Variants in IMPG1 observed in about 807,000 individuals in gnomAD.
IMPG1 encodes the protein interphotoreceptor matrix proteoglycan of 150 kDa.
A neutral mutation model predicts 92.0 loss-of-function variants in IMPG1; 85 were observed. That is an observed-to-expected ratio of 0.92 (90% CI 0.78 to 1.11). The LOEUF (loss-of-function observed/expected upper bound fraction) is 1.11. Ranked by LOEUF, IMPG1 falls within the 50% of genes least tolerant of loss-of-function variation. The pLI, the probability that IMPG1 is intolerant of heterozygous loss-of-function variation, is 0.00. For missense variants in IMPG1, 1,022 were observed against 956.0 expected (o/e 1.07, Z -0.91); for synonymous variants, 367 against 334.1 (o/e 1.10, Z -1.08).
chr6:76,041,852 G>T, intron 2 of IMPG1, 41 bp downstream of exon 2: 10 of 1,317,396 alleles, frequency 7.6e-6, no homozygotes, highest in South Asian at 1.2e-5. Flanking sequence ...GGGAAGGGAT[G>T]GAAATAACAC....
At chr6:75,976,016 G>C (rs1304265734) in intron 12 of IMPG1, among the ~76,000 whole-genome samples, 2 of 152,068 alleles carry the variant, frequency 1.3e-5, no homozygotes, top group African/African-American at 4.8e-5. Flanking sequence ...ACAAACGGTA[G>C]GTTGGATTTG....
intron 15 of IMPG1, among the ~76,000 whole-genome samples, chr6:75,924,634 AT>A (rs1781503794): frequency 4.1e-5 from 1 of 24,468 alleles, no homozygotes; most frequent in Non-Finnish European, 6.8e-5. Context: ...TAAATTATAT[AT>A]TATATATAAT....
At chr6:76,046,694 T>C (rs1279158449) in intron 1 of IMPG1, among the ~76,000 whole-genome samples, 1 of 152,168 alleles carries the variant, frequency 6.6e-6, no homozygotes, top group Non-Finnish European at 1.5e-5. Flanking sequence ...AAATGGGGAA[T>C]AATAATACCT....
Position 75,931,053 on chromosome 6 carries a change from C to T in IMPG1, c.2143G>A (p.Gly715Arg), listed in dbSNP as rs200730480. The T allele has an allele frequency of 1.2e-6, 2 of 1,614,058 alleles. No homozygotes were observed. The highest frequency in any genetic ancestry group is 1.3e-5 in the African/African-American group (1 of 74,916). The change falls in exon 15 of 17, where the codon GGA becomes AGA. Residue 715 changes from glycine (G) to arginine (R), a missense_variant. By Grantham distance (125) the Gly-to-Arg change is moderately radical. Around this residue, in one of 3 missense-constraint regions of IMPG1, gnomAD observed 332 missense variants for 346.2 expected, o/e 0.96. Coordinates refer to ENST00000369950, the MANE Select transcript of IMPG1 (RefSeq NM_001563.4). ...TCCAGGCTCCCCTGGCTGTCATATC[C>T]TGGTTTGCAGCGACACTCCGCTTCC... ...TEEAECRCKP[G>R]YDSQGSLDGL...
intron 12 of IMPG1, among the ~76,000 whole-genome samples, chr6:75,955,738 G>T (rs1782108884): frequency 6.6e-6 from 1 of 152,122 alleles, no homozygotes; most frequent in Non-Finnish European, 1.5e-5. Context: ...CTGTGGGTTT[G>T]TCATTAATAG....
At chr6:75,987,458 C>G (rs1026960217) in intron 12 of IMPG1, among the ~76,000 whole-genome samples, 1 of 149,220 alleles carries the variant, frequency 6.7e-6, no homozygotes, top group Non-Finnish European at 1.5e-5. Flanking sequence ...TCCCCCTCCC[C>G]CCTGCCCCCA....
In IMPG1 at chr6:75,979,008, G is replaced by A. The variant is rs548094752; in HGVS notation, c.1291+23910C>T. On this transcript the variant is annotated intron_variant, in intron 12 of 16. Transcript: ENST00000369950. ...CTCACTGAAGCCTCCACCTCCTCGG[G>A]CTCAGGTAATTCTCCCACCCCAGCC... 4.1e-3 allele frequency among the ~76,000 whole-genome samples: 627 copies of A among 152,218 alleles called. 2 individuals carry two copies. The highest frequency in any genetic ancestry group is 7.2e-3 in the Non-Finnish European group (491 of 68,002).
intron 15 of IMPG1, among the ~76,000 whole-genome samples, chr6:75,926,160 TC>T (rs1781545698): frequency 6.6e-6 from 1 of 152,128 alleles, no homozygotes. Flanking sequence ...CTAGAAAACT[TC>T]CAGGAGAACT....
At chr6:76,021,778 C>CATATATATAT (rs140827081) in intron 6 of IMPG1, among the ~76,000 whole-genome samples, 1,261 of 49,480 alleles carry the variant, frequency 0.025, 80 homozygotes, top group African/African-American at 0.066. Flanking sequence ...ACTTGGAGAG[C>CATATATATAT]ATATATATAT....
intron 13 of IMPG1, among the ~76,000 whole-genome samples, chr6:75,950,350 C>T (rs139882980): frequency 1.2e-4 from 19 of 152,180 alleles, no homozygotes; most frequent in Middle Eastern, 3.4e-3. Flanking sequence ...GATTGGGTGG[C>T]GGTGTCTTCC....
chr6:75,963,034 C>G (rs1782235104), intron 12 of IMPG1, among the ~76,000 whole-genome samples: 1 of 148,470 alleles, frequency 6.7e-6, no homozygotes, highest in South Asian at 2.1e-4. Context: ...GAGTGACTCT[C>G]TGTCTCCAGG....
rs1448244666 is a variant in IMPG1, at chr6:75,974,227, A to T, written c.1292-23133T>A. ...TCATAAGAATATTACAAAAACACTG[A>T]AGGTATTTTTAATGAGGACTTTCTT... On this transcript the variant is annotated intron_variant, in intron 12 of 16. Coordinates refer to ENST00000369950, the MANE Select transcript of IMPG1 (RefSeq NM_001563.4). Among the ~76,000 whole-genome samples the T allele has an allele frequency of 3.3e-5, 5 of 152,158 alleles. No individual in the cohort carries two copies. The East Asian group carries it at 9.6e-4, about 29-fold the overall frequency.
chr6:75,949,910 A>C (rs978555037), intron 13 of IMPG1, among the ~76,000 whole-genome samples: 5 of 152,196 alleles, frequency 3.3e-5, no homozygotes, highest in African/African-American at 1.2e-4. Flanking sequence ...AATTTATTTT[A>C]ATTAACCATG....
chr6:76,001,184 G>T (rs907125070), intron 12 of IMPG1, among the ~76,000 whole-genome samples: 6 of 152,308 alleles, frequency 3.9e-5, no homozygotes, highest in Non-Finnish European at 7.4e-5. Context: ...ATAAGATAAT[G>T]CTTTCATCAT....
chr6:75,990,588 TACACACAC>T (rs112985372), intron 12 of IMPG1, among the ~76,000 whole-genome samples: 15 of 145,004 alleles, frequency 1.0e-4, no homozygotes, highest in Admixed American at 3.4e-4. Flanking sequence ...ACCCCACCTC[TACACACAC>T]ACACACACAC....
At chr6:76,040,310 AG>A (rs1295242030) in intron 2 of IMPG1, among the ~76,000 whole-genome samples, 1 of 152,240 alleles carries the variant, frequency 6.6e-6, no homozygotes, top group Non-Finnish European at 1.5e-5. Flanking sequence ...AAATACTTCC[AG>A]TGAATCCTAT....
intron 14 of IMPG1, among the ~76,000 whole-genome samples, chr6:75,933,696 G>A (rs1005753744): frequency 3.3e-5 from 5 of 152,312 alleles, no homozygotes; most frequent in Admixed American, 2.6e-4. Context: ...GAGACATGTC[G>A]TTGCATTTCA....
intron 12 of IMPG1, among the ~76,000 whole-genome samples, chr6:75,971,010 C>A (rs1255304816): frequency 6.6e-6 from 1 of 152,100 alleles, no homozygotes; most frequent in Non-Finnish European, 1.5e-5. Context: ...TATAAAGACA[C>A]ATGCACATGT....
intron 15 of IMPG1, among the ~76,000 whole-genome samples, chr6:75,929,185 G>GA (rs1014837353): frequency 2.0e-5 from 3 of 151,962 alleles, no homozygotes; most frequent in African/African-American, 7.2e-5. Flanking sequence ...AATTTCTTTT[G>GA]AAAAAAGGCT....
Sources: allele counts gnomAD v4.1 joint callset (sites outside exome capture counted in the v4.1 genomes callset), GRCh38; gene constraint gnomAD v4.1.1; regional missense constraint gnomAD v4.1.1; transcripts MANE v1.5; gene names NCBI Gene and HGNC (gene_info 2026-07-23, HGNC 2026-07-21).